Variants in NPAS3 observed in about 807,000 individuals in gnomAD.
NPAS3 encodes neuronal PAS domain protein 3, also known as neuronal PAS domain-containing protein 3.
NPAS3 carries 14 observed loss-of-function variants against 73.1 expected under a neutral mutation model. The ratio of observed to expected loss-of-function variants is 0.19; its 90% CI spans 0.13 to 0.30. The LOEUF is 0.30. Ranked by LOEUF, NPAS3 falls within the 10% of genes least tolerant of loss-of-function variation. The probability of loss-of-function intolerance (pLI) is 1.00; values close to 1 mark genes in which losing one functional copy is unlikely to be tolerated. For missense variants in NPAS3, 1,096 were observed against 1,250.0 expected, an observed-to-expected ratio of 0.88 and a Z score of 1.86; for synonymous variants, 620 against 541.5, an observed-to-expected ratio of 1.14 and a Z score of -2.01.
chr14:33,654,134 C>T (rs1312086678), intron 5 of NPAS3, among the ~76,000 whole-genome samples: 1 of 151,784 alleles, frequency 6.6e-6, no homozygotes, highest in East Asian at 1.9e-4. Context: ...TTTATTCTTC[C>T]ATGGGTTAGG....
chr14:33,206,938 TTCCTC>T (rs2046842310), intron 2 of NPAS3, among the ~76,000 whole-genome samples: 1 of 152,150 alleles, frequency 6.6e-6, no homozygotes, highest in Admixed American at 6.5e-5. Flanking sequence ...GCTGTGGACT[TTCCTC>T]TCAATGTGTG....
chr14:33,770,703 C>A (rs1282110574), intron 7 of NPAS3, among the ~76,000 whole-genome samples: 5 of 152,292 alleles, frequency 3.3e-5, no homozygotes, highest in Admixed American at 2.0e-4. Context: ...AGTTCAGGAC[C>A]AGCCTGGCCA....
chr14:33,329,446 G>A (rs372769873), intron 3 of NPAS3, among the ~76,000 whole-genome samples: 6 of 152,288 alleles, frequency 3.9e-5, no homozygotes, highest in East Asian at 1.9e-4. Flanking sequence ...CTGGGTTGGC[G>A]TTTGGATTGA....
At chr14:33,613,764 A>G (rs1257322671) in intron 5 of NPAS3, among the ~76,000 whole-genome samples, 33 of 152,016 alleles carry the variant, frequency 2.2e-4, no homozygotes, top group Non-Finnish European at 3.4e-4. Context: ...AATCTATCCA[A>G]TCTACAACTT....
At chr14:33,044,792 A>C (rs1266050500) in intron 1 of NPAS3, among the ~76,000 whole-genome samples, 1 of 151,870 alleles carries the variant, frequency 6.6e-6, no homozygotes, top group Non-Finnish European at 1.5e-5. Flanking sequence ...TCTCAAAAGG[A>C]GTTGGATATG....
intron 4 of NPAS3, among the ~76,000 whole-genome samples, chr14:33,492,857 TA>T (rs1456576555): frequency 6.6e-6 from 1 of 152,184 alleles, no homozygotes; most frequent in Non-Finnish European, 1.5e-5. Flanking sequence ...TCTTCATTTT[TA>T]CATTGCAGAC....
At chr14:33,326,551 C>T (rs892697366) in intron 3 of NPAS3, among the ~76,000 whole-genome samples, 2 of 152,076 alleles carry the variant, frequency 1.3e-5, no homozygotes, top group Non-Finnish European at 2.9e-5. Context: ...GCATGTGTGA[C>T]AATAAAATGG....
chr14:33,484,676 C>G (rs190475307), intron 4 of NPAS3, among the ~76,000 whole-genome samples: 9 of 152,148 alleles, frequency 5.9e-5, no homozygotes, highest in Non-Finnish European at 1.2e-4. Context: ...GTTAAAATAC[C>G]TGGTCCATAA....
At chr14:33,374,365 C>CTT (rs2046226190) in intron 4 of NPAS3, among the ~76,000 whole-genome samples, 1 of 152,096 alleles carries the variant, frequency 6.6e-6, no homozygotes, top group African/African-American at 2.4e-5. Flanking sequence ...GTTAATCACA[C>CTT]TTTGAAGATT....
At chr14:33,542,898 A>G (rs1439369572) in intron 4 of NPAS3, among the ~76,000 whole-genome samples, 1 of 152,176 alleles carries the variant, frequency 6.6e-6, no homozygotes, top group Non-Finnish European at 1.5e-5. Flanking sequence ...AGTCACTCAC[A>G]GGCCTCAGTG....
At chr14:33,593,706 A>T (rs1567038076) in intron 5 of NPAS3, among the ~76,000 whole-genome samples, 1 of 152,262 alleles carries the variant, frequency 6.6e-6, no homozygotes, top group Non-Finnish European at 1.5e-5. Context: ...CATCTAAGAA[A>T]GTAGCATATT....
At chr14:33,263,887 C>A (rs749343101) in intron 3 of NPAS3, among the ~76,000 whole-genome samples, 6 of 151,966 alleles carry the variant, frequency 3.9e-5, no homozygotes, top group Non-Finnish European at 1.5e-5. Flanking sequence ...GAAGCAATTG[C>A]AAATGACCAT....
intron 3 of NPAS3, among the ~76,000 whole-genome samples, chr14:33,322,322 C>G (rs1201151447): frequency 6.6e-6 from 1 of 152,152 alleles, no homozygotes; most frequent in Non-Finnish European, 1.5e-5. Flanking sequence ...GTTGATGTGT[C>G]ATGGTAATAG....
In NPAS3 at chr14:33,655,016, C is replaced by A. The variant is rs183302361; in HGVS notation, c.559-21195C>A. ...ATTTACACACACGATCTCATTCAAT[C>A]TTCAGAACACCCTGCAAGGTGGATG... On this transcript the variant is annotated intron_variant, in intron 5 of 11. Coordinates refer to ENST00000356141, the Ensembl canonical transcript of NPAS3. Among the ~76,000 whole-genome samples, 25 of 152,356 alleles carry A rather than the reference C, an allele frequency of 1.6e-4. 1 individual carries two copies. Among genetic ancestry groups the A allele is most frequent in the Admixed American group, 8.5e-4 (13 of 15,308 alleles).
intron 1 of NPAS3, among the ~76,000 whole-genome samples, chr14:33,027,810 G>A (rs1414154401): frequency 1.3e-5 from 2 of 152,130 alleles, no homozygotes; most frequent in Admixed American, 6.6e-5. Context: ...TATGTGGGGA[G>A]GCTGAACTAA....
At chr14:33,550,360 C>A (rs560746022) in intron 4 of NPAS3, among the ~76,000 whole-genome samples, 1 of 152,316 alleles carries the variant, frequency 6.6e-6, no homozygotes, top group African/African-American at 2.4e-5. Flanking sequence ...TAGCAAATTT[C>A]ACAAGCTGAA....
intron 4 of NPAS3, among the ~76,000 whole-genome samples, chr14:33,459,753 C>T (rs2050175754): frequency 6.6e-6 from 1 of 152,166 alleles, no homozygotes; most frequent in African/African-American, 2.4e-5. Context: ...ACAAATCTCC[C>T]TTAAATATCA....
At chr14:33,588,369 G>A (rs533328729) in intron 5 of NPAS3, among the ~76,000 whole-genome samples, 50 of 152,204 alleles carry the variant, frequency 3.3e-4, no homozygotes, top group South Asian at 6.2e-4. Flanking sequence ...TTCTGGGTTG[G>A]CACCACCTGC....
At position 33,054,902 on chromosome 14, in the gene NPAS3, G is replaced by A. The variant is rs920963791; in HGVS notation, c.51-1003G>A. ...GCTGTGATTACAGGCGTGAGCCACC[G>A]CACCTGGCCTTATCTGAGTTTTTAT... On this transcript the variant is annotated intron_variant, in intron 1 of 11. Transcript: ENST00000356141. 5.3e-5 allele frequency among the ~76,000 whole-genome samples: 8 copies of A among 152,214 alleles called. No individual in the cohort carries two copies. In the South Asian group the frequency reaches 8.3e-4, roughly 16 times the overall value.
Sources: allele counts gnomAD v4.1 joint callset (sites outside exome capture counted in the v4.1 genomes callset), GRCh38; gene constraint gnomAD v4.1.1; transcripts MANE v1.5; gene names NCBI Gene and HGNC (gene_info 2026-07-23, HGNC 2026-07-21).